Variants in RALYL observed in about 807,000 individuals in gnomAD.
RALYL encodes the protein RALY RNA binding protein like.
In RALYL, 29 loss-of-function variants were observed where a neutral mutation model predicts 35.1. The observed-to-expected ratio is 0.83, with a 90% confidence interval of 0.61 to 1.13. RALYL has a LOEUF of 1.13. RALYL is among the 50% of genes most tolerant of loss of function. RALYL has a pLI of 0.00. For synonymous variants in RALYL, 120 were observed against 127.6 expected, an observed-to-expected ratio of 0.94 and a Z score of 0.40; for missense variants, 359 against 360.4, an observed-to-expected ratio of 1.00 and a Z score of 0.03.
intron 1 of RALYL, among the ~76,000 whole-genome samples, chr8:84,198,572 G>A (rs2130967243): frequency 6.6e-6 from 1 of 152,158 alleles, no homozygotes; most frequent in South Asian, 2.1e-4. Context: ...ATTGATTATA[G>A]TCACCTTGTT....
At chr8:84,186,342 G>A (rs1266381451) in intron 1 of RALYL, among the ~76,000 whole-genome samples, 2 of 152,098 alleles carry the variant, frequency 1.3e-5, no homozygotes, top group Non-Finnish European at 2.9e-5. Context: ...AAAGCCACTT[G>A]CAACATTCTG....
chr8:84,768,744 G>A (rs1166947294), intron 2 of RALYL, among the ~76,000 whole-genome samples: 2 of 152,122 alleles, frequency 1.3e-5, no homozygotes, highest in South Asian at 4.1e-4. Flanking sequence ...ATAACTCGGC[G>A]ACCATCTGTA....
chr8:84,914,515 A>C (rs538677906), intron 8 of RALYL, among the ~76,000 whole-genome samples: 1 of 152,172 alleles, frequency 6.6e-6, no homozygotes, highest in South Asian at 2.1e-4. Context: ...TACAATTGGA[A>C]TAAAATAAGA....
intron 2 of RALYL, among the ~76,000 whole-genome samples, chr8:84,766,507 C>G (rs1814011797): frequency 6.7e-6 from 1 of 149,288 alleles, no homozygotes; most frequent in Non-Finnish European, 1.5e-5. Context: ...TCCTGGCTAA[C>G]ACGGTGAAAC....
rs551954540 is a variant in RALYL, at chr8:84,404,392, A to G, written c.-23-124907A>G. 3.3e-5 allele frequency among the ~76,000 whole-genome samples: 5 copies of G among 152,112 alleles called. No individual in the cohort carries two copies. In the South Asian group the frequency reaches 1.0e-3, roughly 32 times the overall value. The stretch of plus-strand genomic sequence containing the variant: ...TGTTTTTAGCATGAAGGAGTGTTGA[A>G]TTTTGTTGAAGGCCTTTTCTGCATC... On this transcript the variant is annotated intron_variant, in intron 1 of 8. Coordinates refer to ENST00000521268, the MANE Select transcript of RALYL (RefSeq NM_173848.7).
chr8:84,432,511 C>A (rs2047253155), intron 1 of RALYL, among the ~76,000 whole-genome samples: 1 of 152,060 alleles, frequency 6.6e-6, no homozygotes, highest in Non-Finnish European at 1.5e-5. Context: ...GAGGGTAGAT[C>A]TCATGTTAAA....
chr8:84,623,174 G>A (rs1821940890), intron 2 of RALYL, among the ~76,000 whole-genome samples: 1 of 152,148 alleles, frequency 6.6e-6, no homozygotes, highest in Admixed American at 6.5e-5. Flanking sequence ...TGTCAGCTGG[G>A]ACATGCTGTT....
chr8:84,377,451 GTTTTTTTTTTTTT>G (rs369746268), intron 1 of RALYL, among the ~76,000 whole-genome samples: 2 of 83,720 alleles, frequency 2.4e-5, no homozygotes, highest in African/African-American at 4.5e-5. Context: ...AAGGTTAACT[GTTTTTTTTTTTTT>G]TTTTTTTTTT....
intron 8 of RALYL, among the ~76,000 whole-genome samples, chr8:84,913,054 A>AGATAGATG: frequency 6.6e-6 from 1 of 151,362 alleles, no homozygotes; most frequent in Middle Eastern, 3.4e-3. Context: ...ATAGATAGAT[A>AGATAGATG]GATAGATAGA....
intron 1 of RALYL, among the ~76,000 whole-genome samples, chr8:84,423,401 G>A (rs2045925942): frequency 6.6e-6 from 1 of 150,868 alleles, no homozygotes; most frequent in African/African-American, 2.5e-5. Flanking sequence ...CCATTTGCTT[G>A]GTAGATCTTC....
chr8:84,500,493 T>C (rs578068345), intron 1 of RALYL, among the ~76,000 whole-genome samples: 1 of 152,192 alleles, frequency 6.6e-6, no homozygotes, highest in Non-Finnish European at 1.5e-5. Flanking sequence ...AATGGGAATA[T>C]TCAAAATTAT....
chr8:84,314,593 G>A (rs758145151), intron 1 of RALYL, among the ~76,000 whole-genome samples: 8 of 152,016 alleles, frequency 5.3e-5, no homozygotes. Context: ...GAGCATTGTG[G>A]CACATGCCTA....
chr8:84,637,315 CT>C (rs1825273682), intron 2 of RALYL, among the ~76,000 whole-genome samples: 1 of 151,844 alleles, frequency 6.6e-6, no homozygotes, highest in African/African-American at 2.4e-5. Context: ...AGATTTGAAA[CT>C]ATTGCAGTTG....
At chr8:84,501,823 A>G (rs1393981615) in intron 1 of RALYL, among the ~76,000 whole-genome samples, 1 of 150,036 alleles carries the variant, frequency 6.7e-6, no homozygotes, top group African/African-American at 2.4e-5. Context: ...AATAAATAAT[A>G]TATTAATAAA....
At chr8:84,863,648 C>G (rs1378777895) in intron 6 of RALYL, among the ~76,000 whole-genome samples, 1 of 152,096 alleles carries the variant, frequency 6.6e-6, no homozygotes, top group African/African-American at 2.4e-5. Context: ...CCTTTTATTT[C>G]AGCACTATAC....
intron 2 of RALYL, among the ~76,000 whole-genome samples, chr8:84,615,609 T>C (rs1420952515): frequency 1.8e-4 from 25 of 142,082 alleles, no homozygotes; most frequent in African/African-American, 5.8e-4. Context: ...TTACTTATTA[T>C]TATACTTTAA....
Position 84,679,399 on chromosome 8 carries a change from G to A in RALYL, c.257-95180G>A, listed in dbSNP as rs151047441. The A allele has an allele frequency of 2.5e-3, 658 of 266,406 alleles. 6 individuals are homozygous for A. Among genetic ancestry groups the A allele is most frequent in the African/African-American group, 0.013 (597 of 44,906 alleles). 16.5% of individuals were successfully genotyped at this position (266,406 alleles called of 1,614,324 possible). ...CATCCAGAGAGATTTGTTAACCTTGGCATGGAGCCTCCCAAGAGTGTGCTC... is the reference window on the plus strand; with the variant it reads ...CATCCAGAGAGATTTGTTAACCTTGACATGGAGCCTCCCAAGAGTGTGCTC... On this transcript the variant is annotated intron_variant, in intron 2 of 8. Transcript: ENST00000521268.
intron 1 of RALYL, among the ~76,000 whole-genome samples, chr8:84,342,054 T>A (rs1325647521): frequency 1.3e-5 from 2 of 151,262 alleles, no homozygotes; most frequent in Admixed American, 1.3e-4. Flanking sequence ...AGAAAAAATA[T>A]TGTTAATAAG....
intron 2 of RALYL, among the ~76,000 whole-genome samples, chr8:84,636,580 T>C (rs1322887133): frequency 1.3e-5 from 2 of 151,798 alleles, no homozygotes; most frequent in Non-Finnish European, 2.9e-5. Flanking sequence ...CAGCCTATAA[T>C]ATACTACCAC....
Sources: allele counts gnomAD v4.1 joint callset (sites outside exome capture counted in the v4.1 genomes callset), GRCh38; gene constraint gnomAD v4.1.1; transcripts MANE v1.5; gene names NCBI Gene and HGNC (gene_info 2026-07-23, HGNC 2026-07-21).